Variants in PPFIA2 observed in about 807,000 individuals in gnomAD.
The protein encoded by PPFIA2 is liprin-alpha-2.
PPFIA2 carries 46 observed loss-of-function variants against 175.5 expected under a neutral mutation model. The observed-to-expected ratio is 0.26, with a 90% CI of 0.21 to 0.34. PPFIA2 has a LOEUF of 0.34. Ranked by LOEUF, PPFIA2 falls within the 10% of genes least tolerant of loss-of-function variation. PPFIA2 has a pLI of 1.00. For missense variants in PPFIA2, 1,179 were observed against 1,506.1 expected (o/e 0.78, Z 3.60); for synonymous variants, 568 against 511.4 (o/e 1.11, Z -1.49).
chr12:81,307,787 G>T (rs1212473141), intron 22 of PPFIA2, among the ~76,000 whole-genome samples: 1 of 152,096 alleles, frequency 6.6e-6, no homozygotes, highest in East Asian at 1.9e-4. Context: ...TTCACAATCT[G>T]GCTGTCTCCC....
At chr12:81,369,013 T>G (rs749639259) in intron 12 of PPFIA2, 98 bp downstream of exon 12, 45 of 1,275,344 alleles carry the variant, frequency 3.5e-5, no homozygotes, top group Non-Finnish European at 4.4e-5. Flanking sequence ...TTGTAAGTTT[T>G]AAATATAACC....
intron 4 of PPFIA2, 96 bp downstream of exon 4, chr12:81,676,695 G>T: frequency 2.5e-6 from 2 of 786,548 alleles, no homozygotes; most frequent in Non-Finnish European, 3.7e-6. Context: ...AAAAGTACCT[G>T]CATATGACAA....
chr12:81,428,181 C>A (rs1271242113), intron 7 of PPFIA2, among the ~76,000 whole-genome samples: 4 of 151,716 alleles, frequency 2.6e-5, no homozygotes, highest in Non-Finnish European at 4.4e-5. Flanking sequence ...AAAAAGCATT[C>A]AAAATCTCCA....
intron 18 of PPFIA2, among the ~76,000 whole-genome samples, chr12:81,346,666 T>C (rs1195168740): frequency 6.6e-6 from 1 of 151,488 alleles, no homozygotes; most frequent in Non-Finnish European, 1.5e-5. Context: ...CATGTGAAAA[T>C]GTGAATATAA....
intron 22 of PPFIA2, among the ~76,000 whole-genome samples, chr12:81,303,424 T>A (rs1193354411): frequency 2.0e-5 from 3 of 152,188 alleles, no homozygotes; most frequent in African/African-American, 7.2e-5. Flanking sequence ...TTAGAGGAAG[T>A]GTCAGGCATG....
At chr12:81,664,692 T>C (rs1412631870) in intron 4 of PPFIA2, among the ~76,000 whole-genome samples, 1 of 152,094 alleles carries the variant, frequency 6.6e-6, no homozygotes, top group Admixed American at 6.5e-5. Flanking sequence ...ACTGGGTACA[T>C]ACCCAAAGGA....
At position 81,754,137 on chromosome 12, in the gene PPFIA2, A is replaced by G; in HGVS notation, c.85T>C (p.Ser29Pro). ...GSQSSGSDSDSHFEQLMVNML... is the reference protein window; with the variant it reads ...GSQSSGSDSDPHFEQLMVNML... Reference sequence around the variant, plus strand: ...TTCACCATCAGCTGCTCAAAATGGGAGTCTGAGTCCGAGCCACTGCTTTGG... The same window carrying G: ...TTCACCATCAGCTGCTCAAAATGGGGGTCTGAGTCCGAGCCACTGCTTTGG... Residue 29 changes from serine to proline, a missense_variant, in exon 3 of 33, where the codon TCC (serine) becomes CCC (proline). Ser to Pro is a moderately conservative substitution (Grantham distance 74). Around this residue, in one of 10 missense-constraint regions of PPFIA2, gnomAD observed 128 missense variants for 141.4 expected, o/e 0.91. Transcript: ENST00000549396. 1 of 1,613,664 alleles carries G rather than the reference A, an allele frequency of 6.2e-7. No individual in the cohort carries two copies. The highest frequency in any genetic ancestry group is 8.5e-7 in the Non-Finnish European group (1 of 1,179,778).
At chr12:81,675,128 A>T (rs1480538396) in intron 4 of PPFIA2, among the ~76,000 whole-genome samples, 1 of 150,810 alleles carries the variant, frequency 6.6e-6, no homozygotes, top group Non-Finnish European at 1.5e-5. Flanking sequence ...TCACAATATT[A>T]TAAGTTGTTT....
chr12:81,402,745 T>C (rs1384420870), intron 8 of PPFIA2, among the ~76,000 whole-genome samples: 2 of 152,102 alleles, frequency 1.3e-5, no homozygotes, highest in African/African-American at 2.4e-5. Context: ...TGTTAGCTAC[T>C]TGGAACATTG....
chr12:81,471,864 T>G (rs2056787471), intron 4 of PPFIA2, among the ~76,000 whole-genome samples: 2 of 152,276 alleles, frequency 1.3e-5, no homozygotes, highest in East Asian at 1.9e-4. Flanking sequence ...CTAGGTGACA[T>G]AAGGAAATTT....
In PPFIA2 at chr12:81,337,111, G is replaced by C. The variant is rs562453711; in HGVS notation, c.2548+2069C>G. 2.3e-4 allele frequency among the ~76,000 whole-genome samples: 35 copies of C among 152,176 alleles called. No homozygotes were observed. The South Asian group carries it at 4.1e-3, about 18-fold the overall frequency. On this transcript the variant is annotated intron_variant, in intron 21 of 32. Transcript: ENST00000549396. ...AATATGGTTTTCTGGAACCTGTTTA[G>C]ACCTATGTTTTATTTTTATTTCTTC...
intron 6 of PPFIA2, among the ~76,000 whole-genome samples, chr12:81,443,845 CTTTTTT>C (rs1183160145): frequency 1.3e-4 from 9 of 71,162 alleles, no homozygotes; most frequent in South Asian, 4.6e-4. Context: ...GCCAACCTTT[CTTTTTT>C]TTTTTTTTTT....
At chr12:81,530,769 T>A (rs764839696) in intron 4 of PPFIA2, among the ~76,000 whole-genome samples, 1 of 128,546 alleles carries the variant, frequency 7.8e-6, no homozygotes, top group Non-Finnish European at 1.6e-5. Context: ...AAAAACACAT[T>A]ATATAATATA....
chr12:81,447,743 G>T (rs1336045033), intron 5 of PPFIA2, among the ~76,000 whole-genome samples: 1 of 152,136 alleles, frequency 6.6e-6, no homozygotes, highest in Non-Finnish European at 1.5e-5. Context: ...CTCTGGATTT[G>T]GGTGTTAGCT....
intron 28 of PPFIA2, among the ~76,000 whole-genome samples, chr12:81,272,290 T>G (rs1466989964): frequency 6.6e-6 from 1 of 152,142 alleles, no homozygotes; most frequent in Admixed American, 6.5e-5. Flanking sequence ...TTTTTATGTC[T>G]CCACCAGTAT....
At chr12:81,418,480 T>C (rs568570702) in intron 7 of PPFIA2, among the ~76,000 whole-genome samples, 1 of 152,092 alleles carries the variant, frequency 6.6e-6, no homozygotes, top group South Asian at 2.1e-4. Flanking sequence ...GAGAATAATA[T>C]TGTGTAAATT....
intron 4 of PPFIA2, among the ~76,000 whole-genome samples, chr12:81,495,825 C>T (rs1432348676): frequency 6.6e-6 from 1 of 152,060 alleles, no homozygotes; most frequent in African/African-American, 2.4e-5. Flanking sequence ...CAAAACAAAA[C>T]AAAACAAAAG....
intron 15 of PPFIA2, among the ~76,000 whole-genome samples, chr12:81,361,896 T>C (rs900548006): frequency 8.6e-5 from 13 of 151,694 alleles, no homozygotes; most frequent in Non-Finnish European, 1.9e-4. Context: ...AATGAGTGTG[T>C]CCTTCTAGGG....
intron 4 of PPFIA2, among the ~76,000 whole-genome samples, chr12:81,616,737 T>C (rs1350425796): frequency 6.6e-6 from 1 of 152,206 alleles, no homozygotes; most frequent in Non-Finnish European, 1.5e-5. Flanking sequence ...TAAATATTAA[T>C]ATTTCATAAT....
Sources: gnomAD v4.1 joint callset for allele counts (sites outside exome capture counted in the v4.1 genomes callset) on GRCh38, gnomAD v4.1.1 for gene constraint, gnomAD v4.1.1 regional missense constraint, MANE v1.5 for transcripts, NCBI Gene and HGNC (gene_info 2026-07-23, HGNC 2026-07-21) for gene names.